TMEM135: variants seen among roughly 807,000 people sequenced by gnomAD.
TMEM135 encodes the protein transmembrane protein 135.
TMEM135 carries 30 observed loss-of-function variants against 60.3 expected under a neutral mutation model. That is an observed-to-expected ratio of 0.50 (90% CI 0.37 to 0.68). The LOEUF is 0.68. TMEM135 is among the 30% of genes least tolerant of loss of function. The pLI is 0.00. For missense variants in TMEM135, 468 were observed against 548.8 expected (o/e 0.85, Z 1.47); for synonymous variants, 190 against 186.7 (o/e 1.02, Z -0.14).
At chr11:87,079,504 AGTTTT>A (rs1856941887) in intron 3 of TMEM135, among the ~76,000 whole-genome samples, 2 of 152,158 alleles carry the variant, frequency 1.3e-5, no homozygotes, top group South Asian at 4.1e-4. Context: ...TGAATTTATT[AGTTTT>A]AAGAGTTTTT....
At chr11:87,068,538 C>T (rs953811976) in intron 2 of TMEM135, among the ~76,000 whole-genome samples, 5 of 152,092 alleles carry the variant, frequency 3.3e-5, no homozygotes, top group South Asian at 2.1e-4. Context: ...TGACCGGGCG[C>T]GGTGGCTCAC....
chr11:87,152,439 T>C (rs574378), intron 4 of TMEM135, among the ~76,000 whole-genome samples: 19,578 of 152,172 alleles, frequency 0.13, 1,333 homozygotes, highest in Non-Finnish European at 0.14. Flanking sequence ...TTTTCTGGAA[T>C]GCCTTCTGAT....
intron 1 of TMEM135, among the ~76,000 whole-genome samples, chr11:87,042,073 G>A (rs1033317551): frequency 6.6e-6 from 1 of 152,230 alleles, no homozygotes; most frequent in African/African-American, 2.4e-5. Flanking sequence ...GAAAGGGCAT[G>A]TACCAATTTA....
At chr11:87,293,883 G>A (rs1312064303) in intron 6 of TMEM135, among the ~76,000 whole-genome samples, 1 of 152,172 alleles carries the variant, frequency 6.6e-6, no homozygotes, top group Non-Finnish European at 1.5e-5. Flanking sequence ...ACCCAGTAAT[G>A]GGATTGCTAG....
intron 4 of TMEM135, among the ~76,000 whole-genome samples, chr11:87,103,693 C>T (rs1265475581): frequency 6.6e-6 from 1 of 151,888 alleles, no homozygotes; most frequent in Admixed American, 6.6e-5. Context: ...GGATCTCGCT[C>T]TGTCACTCAG....
At chr11:87,240,966 C>T (rs367906900) in intron 6 of TMEM135, among the ~76,000 whole-genome samples, 11 of 152,236 alleles carry the variant, frequency 7.2e-5, no homozygotes, top group East Asian at 5.8e-4. Flanking sequence ...CTGATGTCAA[C>T]ATTGTGCAGC....
chr11:87,192,985 C>G (rs1416233337), intron 5 of TMEM135, among the ~76,000 whole-genome samples: 2 of 152,060 alleles, frequency 1.3e-5, no homozygotes, highest in African/African-American at 4.8e-5. Flanking sequence ...CCTGGTGGCA[C>G]CCACCTGTAG....
At chr11:87,169,192 T>A (rs1462013818) in intron 5 of TMEM135, among the ~76,000 whole-genome samples, 1 of 150,488 alleles carries the variant, frequency 6.6e-6, no homozygotes, top group African/African-American at 2.5e-5. Flanking sequence ...AGCCTATGTG[T>A]GTCTTTGCAC....
intron 4 of TMEM135, among the ~76,000 whole-genome samples, chr11:87,119,884 T>TAAAA (rs766138230): frequency 4.1e-5 from 6 of 145,818 alleles, no homozygotes; most frequent in African/African-American, 1.3e-4. Flanking sequence ...CTTTACTTTT[T>TAAAA]TAAAAAAAAA....
At chr11:87,205,690 T>C (rs1455634777) in intron 5 of TMEM135, among the ~76,000 whole-genome samples, 2 of 152,208 alleles carry the variant, frequency 1.3e-5, no homozygotes, top group Non-Finnish European at 2.9e-5. Flanking sequence ...ATGTTGTAGG[T>C]GCTAGAGGCA....
At chr11:87,122,035 G>A (rs1591035750) in intron 4 of TMEM135, among the ~76,000 whole-genome samples, 1 of 152,264 alleles carries the variant, frequency 6.6e-6, no homozygotes, top group South Asian at 2.1e-4. Flanking sequence ...CATTTTAATT[G>A]CTTAGACTTG....
chr11:87,101,830 G>A (rs556817093), intron 4 of TMEM135, among the ~76,000 whole-genome samples: 3 of 152,012 alleles, frequency 2.0e-5, no homozygotes, highest in Non-Finnish European at 4.4e-5. Context: ...AAAATTAACC[G>A]GGTGTGATGG....
At position 87,133,303 on chromosome 11, in the gene TMEM135, A is replaced by G. The variant is rs963778645; in HGVS notation, c.397-24038A>G. Reference sequence around the variant, plus strand: ...CAAATACAATTCAATACGTTTTGACATGTTTATACACCCACGTAACCATCA... The same window carrying G: ...CAAATACAATTCAATACGTTTTGACGTGTTTATACACCCACGTAACCATCA... On this transcript the variant is annotated intron_variant, in intron 4 of 14. Transcript: ENST00000305494. Among the ~76,000 whole-genome samples the G allele has an allele frequency of 7.9e-5, 12 of 152,218 alleles. No homozygotes were observed. The East Asian group carries it at 2.3e-3, about 29-fold the overall frequency.
At chr11:87,170,781 G>A (rs979679780) in intron 5 of TMEM135, among the ~76,000 whole-genome samples, 4 of 152,168 alleles carry the variant, frequency 2.6e-5, no homozygotes, top group African/African-American at 9.7e-5. Context: ...GGACTCACTT[G>A]AGGAGGCACT....
At chr11:87,071,485 T>C in intron 2 of TMEM135, 38 bp from the exon 3 acceptor site, 1 of 1,525,268 alleles carries the variant, frequency 6.6e-7, no homozygotes, top group Non-Finnish European at 9.1e-7. Context: ...AGTGACCAAC[T>C]AGGAATTTCA....
chr11:87,126,633 G>A (rs945934976), intron 4 of TMEM135, among the ~76,000 whole-genome samples: 6 of 151,340 alleles, frequency 4.0e-5, no homozygotes, highest in African/African-American at 1.5e-4. Flanking sequence ...ACTTGCAGGA[G>A]AAAAGGACTC....
chr11:87,222,785 A>AT (rs1358462924), intron 5 of TMEM135, among the ~76,000 whole-genome samples: 1 of 152,120 alleles, frequency 6.6e-6, no homozygotes, highest in Non-Finnish European at 1.5e-5. Flanking sequence ...AGCCTGGGCA[A>AT]TAAGAGCGAA....
chr11:87,045,576 A>G (rs541612402), intron 1 of TMEM135, among the ~76,000 whole-genome samples: 1 of 152,280 alleles, frequency 6.6e-6, no homozygotes, highest in African/African-American at 2.4e-5. Context: ...AAAGAGACCC[A>G]CCTGGAGGAA....
chr11:87,309,768 T>G, intron 10 of TMEM135, 96 bp downstream of exon 10: 1 of 1,321,488 alleles, frequency 7.6e-7, no homozygotes, highest in Admixed American at 1.9e-5. Context: ...TTTTAATGCT[T>G]CTTTCTGGAA....
Sources: gnomAD v4.1 joint callset for allele counts (sites outside exome capture counted in the v4.1 genomes callset) on GRCh38, gnomAD v4.1.1 for gene constraint, MANE v1.5 for transcripts, NCBI Gene and HGNC (gene_info 2026-07-23, HGNC 2026-07-21) for gene names.